STRA6: variants seen among roughly 807,000 people sequenced by gnomAD.
STRA6 encodes signaling receptor and transporter of retinol STRA6.
In STRA6, 48 loss-of-function variants were observed where a neutral mutation model predicts 83.6. The ratio of observed to expected loss-of-function variants is 0.57; its 90% confidence interval spans 0.46 to 0.73. The LOEUF is 0.73. STRA6 is among the 30% of genes least tolerant of loss of function. The probability of loss-of-function intolerance (pLI) is 0.00; values close to 1 mark genes in which losing one functional copy is unlikely to be tolerated. For synonymous variants in STRA6, 353 were observed against 362.3 expected, an observed-to-expected ratio of 0.97 and a Z score of 0.29; for missense variants, 760 against 838.8, an observed-to-expected ratio of 0.91 and a Z score of 1.16.
At chr15:74,181,065 G>T (rs559022535) in intron 17 of STRA6, 128 bp from the exon 18 acceptor site, 15 of 1,426,996 alleles carry the variant, frequency 1.1e-5, no homozygotes, top group Admixed American at 1.9e-5. Context: ...GACACACCAA[G>T]CACGTGGCAC....
intron 10 of STRA6, 46 bp downstream of exon 10, chr15:74,191,121 G>A: frequency 1.9e-6 from 3 of 1,607,002 alleles, no homozygotes; most frequent in Non-Finnish European, 1.7e-6. Context: ...GTGCAAGGGA[G>A]GGTAACGTCC....
chr15:74,203,561 A>G (rs1712916359), upstream of STRA6, among the ~76,000 whole-genome samples: 1 of 152,174 alleles, frequency 6.6e-6, no homozygotes, highest in African/African-American at 2.4e-5. Flanking sequence ...TTCGGCTTGG[A>G]CCCTGTCAGC....
At chr15:74,189,949 A>C (rs1004464284) in intron 11 of STRA6, among the ~76,000 whole-genome samples, 6 of 152,204 alleles carry the variant, frequency 3.9e-5, no homozygotes, top group Non-Finnish European at 8.8e-5. Flanking sequence ...GGTGTGAGCC[A>C]CCACACCCAG....
Position 74,189,154 on chromosome 15 carries a change from C to A in STRA6, c.1051G>T (p.Val351Leu). ...GIVLSEDKQE[V>L]VELVKHHLWA... ...AGATGGTGCTTCACCAGCTCCACCA[C>A]CTCCTGCTTGTCCTCGGAGAGCACG... Residue 351 changes from valine to leucine, a missense_variant, in exon 12 of 19, where the codon GTG becomes TTG. Transcript: ENST00000395105. 6.2e-7 allele frequency: 1 copy of A among 1,614,176 alleles called. No homozygotes were observed. Among genetic ancestry groups the A allele is most frequent in the Non-Finnish European group, 8.5e-7 (1 of 1,180,044 alleles).
chr15:74,210,174 A>T (rs922685780), upstream of STRA6, among the ~76,000 whole-genome samples: 30 of 152,188 alleles, frequency 2.0e-4, no homozygotes, highest in Non-Finnish European at 4.3e-4. Context: ...ATAAAGAGAA[A>T]ATTAACCTTT....
chr15:74,207,674 G>T (rs574934800), upstream of STRA6: 33 of 1,530,158 alleles, frequency 2.2e-5, no homozygotes, highest in Admixed American at 3.9e-5. Flanking sequence ...TTCCAGGAGT[G>T]GGGGGATGGC....
chr15:74,180,738 A>G (rs1263818295), intron 18 of STRA6, 44 bp downstream of exon 18: 4 of 1,569,734 alleles, frequency 2.5e-6, no homozygotes, highest in Middle Eastern at 2.0e-4. Context: ...TCCTAGAAGA[A>G]GCTGGGTAGG....
intron 1 of STRA6, chr15:74,208,190 GCAGATTT>G (rs1172419642): frequency 5.3e-6 from 2 of 377,310 alleles, no homozygotes; most frequent in Non-Finnish European, 7.6e-6. Context: ...GAGGAGGGAG[GCAGATTT>G]CAGCTCAGAA....
chr15:74,184,132 G>C (rs2073127137), intron 13 of STRA6, 143 bp from the exon 14 acceptor site: 2 of 1,220,782 alleles, frequency 1.6e-6, no homozygotes, highest in Middle Eastern at 1.9e-4. Flanking sequence ...GTGGGAGCCA[G>C]GAGGAGGCCA....
chr15:74,195,929 G>A (rs2073792207), intron 5 of STRA6, 79 bp downstream of exon 5: 11 of 1,592,150 alleles, frequency 6.9e-6, no homozygotes, highest in African/African-American at 1.3e-5. Context: ...TCATCTCCTT[G>A]AGCCAAGCTT....
chr15:74,192,935 G>A (rs1441068208), intron 8 of STRA6, among the ~76,000 whole-genome samples: 1 of 152,158 alleles, frequency 6.6e-6, no homozygotes, highest in East Asian at 1.9e-4. Context: ...CCACCACACT[G>A]GGAGCTCCTG....
chr15:74,184,838 C>CAGTGGACTCCACTGCGTGG, intron 13 of STRA6, 142 bp downstream of exon 13: 1 of 791,174 alleles, frequency 1.3e-6, no homozygotes, highest in Non-Finnish European at 2.1e-6. Context: ...CACTGCAGCG[C>CAGTGGACTCCACTGCGTGG]AGCCACGCAC....
chr15:74,184,915 C>A (rs2073167138), intron 13 of STRA6, 65 bp downstream of exon 13: 2 of 1,518,686 alleles, frequency 1.3e-6, no homozygotes, highest in Non-Finnish European at 9.1e-7. Flanking sequence ...GGCCTCCCCG[C>A]AGGCCCACAG....
At chr15:74,180,722 C>A in intron 18 of STRA6, 60 bp downstream of exon 18, 1 of 1,553,090 alleles carries the variant, frequency 6.4e-7, no homozygotes, top group South Asian at 1.2e-5. Context: ...GAGGGGCACA[C>A]ATCCTTCCTA....
chr15:74,191,093 C>T (rs893496724), intron 10 of STRA6, 74 bp downstream of exon 10: 1 of 1,587,862 alleles, frequency 6.3e-7, no homozygotes, highest in African/African-American at 1.3e-5. Flanking sequence ...GGAGCCAGTC[C>T]TCCACTGCAG....
upstream of STRA6, among the ~76,000 whole-genome samples, chr15:74,203,684 G>C (rs922639847): frequency 5.3e-5 from 8 of 152,238 alleles, no homozygotes; most frequent in African/African-American, 1.9e-4. Context: ...TGAGGCAGGA[G>C]AGATGACAGT....
chr15:74,180,879 C>A lies in STRA6; in HGVS notation c.1743G>T (p.Met581Ile). ...KIEVSQSHPA[M>I]TAFCSLLLQA... ...GCAGGAGCAGGGAGCAGAAGGCTGTCATGGCTGGATGCGACTGGCTGACTT... is the reference window on the plus strand; with the variant it reads ...GCAGGAGCAGGGAGCAGAAGGCTGTAATGGCTGGATGCGACTGGCTGACTT... The change falls in exon 18 of 19, where the codon ATG becomes ATT. Residue 581 changes from methionine (M) to isoleucine (I), a missense_variant. By Grantham distance (10) the Met-to-Ile change is conservative (BLOSUM62 1). Coordinates refer to ENST00000395105, the MANE Select transcript of STRA6 (RefSeq NM_022369.4). The A allele has an allele frequency of 3.1e-6, 5 of 1,614,070 alleles. No homozygotes were observed. Among genetic ancestry groups the A allele is most frequent in the Non-Finnish European group, 4.2e-6 (5 of 1,180,014 alleles).
intron 3 of STRA6, 109 bp from the exon 4 acceptor site, chr15:74,197,532 C>T: frequency 8.9e-7 from 1 of 1,124,518 alleles, no homozygotes; most frequent in Middle Eastern, 2.7e-4. Context: ...GCCCAGTGCA[C>T]ACTCATGTGA....
rs118056606 is a variant in STRA6 at position 74,180,770 on chromosome 15, G to A, written c.1840+12C>T. On this transcript the variant is annotated intron_variant, in intron 18 of 18. Coordinates refer to ENST00000395105, the MANE Select transcript of STRA6 (RefSeq NM_022369.4). ...TAGGCTCTATTCCCCCATTCCCAGT[G>A]GGAGGGCGCACCTTCGTCTTCCTCC... 8.7e-3 allele frequency: 13,931 copies of A among 1,600,784 alleles called. 82 individuals are homozygous for A. The highest frequency in any genetic ancestry group is 0.011 in the Non-Finnish European group (12,365 of 1,169,646).
Sources: gnomAD v4.1 joint callset for allele counts (sites outside exome capture counted in the v4.1 genomes callset) on GRCh38, gnomAD v4.1.1 for gene constraint, MANE v1.5 for transcripts, NCBI Gene and HGNC (gene_info 2026-07-23, HGNC 2026-07-21) for gene names.